The following EGFR variants were observed in gnomAD, a reference collection of about 807,000 sequenced individuals.
The protein encoded by EGFR is epidermal growth factor receptor.
A neutral mutation model predicts 143.0 loss-of-function variants in EGFR; 58 were observed. The ratio of observed to expected loss-of-function variants is 0.41; its 90% CI spans 0.33 to 0.50. EGFR has a LOEUF of 0.50. Ranked by LOEUF, EGFR falls within the 20% of genes least tolerant of loss-of-function variation. EGFR has a pLI of 0.39. For synonymous variants in EGFR, 613 were observed against 594.4 expected (o/e 1.03, Z -0.45); for missense variants, 1,307 against 1,579.0 (o/e 0.83, Z 2.92).
At chr7:55,152,759 A>C (rs1169781951) in intron 6 of EGFR, 95 bp downstream of exon 6, 2 of 1,028,360 alleles carry the variant, frequency 1.9e-6, no homozygotes, top group Non-Finnish European at 3.0e-6. Context: ...GGGAGCTGTC[A>C]ATTAGCATTT....
chr7:55,100,200 G>T (rs1426072682), intron 1 of EGFR, among the ~76,000 whole-genome samples: 4 of 152,174 alleles, frequency 2.6e-5, no homozygotes, highest in Admixed American at 6.5e-5. Flanking sequence ...GGCAGAGCTG[G>T]GAGCTCTGAA....
At chr7:55,176,708 G>A in intron 19 of EGFR, among the ~76,000 whole-genome samples, 1 of 150,912 alleles carries the variant, frequency 6.6e-6, no homozygotes, top group East Asian at 1.9e-4. Flanking sequence ...GCAAGACCCT[G>A]CTCAAAAAAA....
chr7:55,082,520 G>A (rs1285482366), intron 1 of EGFR, among the ~76,000 whole-genome samples: 2 of 152,196 alleles, frequency 1.3e-5, no homozygotes, highest in Non-Finnish European at 2.9e-5. Context: ...CCACCCAAGG[G>A]AGAAAGCAGG....
intron 1 of EGFR, among the ~76,000 whole-genome samples, chr7:55,032,322 C>T (rs1787300632): frequency 6.6e-6 from 1 of 152,216 alleles, no homozygotes; most frequent in Non-Finnish European, 1.5e-5. Flanking sequence ...TTCAGCCCAT[C>T]TCTGTCTGAG....
intron 1 of EGFR, among the ~76,000 whole-genome samples, chr7:55,057,116 C>A (rs866215769): frequency 1.3e-5 from 2 of 152,206 alleles, no homozygotes; most frequent in Non-Finnish European, 2.9e-5. Flanking sequence ...GTAGATTGAC[C>A]CTCCTGGCTC....
At chr7:55,115,932 C>T (rs1792812426) in intron 1 of EGFR, among the ~76,000 whole-genome samples, 1 of 152,214 alleles carries the variant, frequency 6.6e-6, no homozygotes, top group Non-Finnish European at 1.5e-5. Flanking sequence ...TGCATGCCCA[C>T]AGCCATGCTT....
At chr7:55,184,892 TA>T (rs1787063129) in intron 20 of EGFR, among the ~76,000 whole-genome samples, 1 of 152,226 alleles carries the variant, frequency 6.6e-6, no homozygotes, top group African/African-American at 2.4e-5. Flanking sequence ...ATCTGAGTAT[TA>T]AAAAATTTTC....
intron 1 of EGFR, among the ~76,000 whole-genome samples, chr7:55,117,107 CCAG>C (rs1792904603): frequency 1.3e-5 from 2 of 152,174 alleles, no homozygotes; most frequent in Admixed American, 1.3e-4. Flanking sequence ...TTATACACCA[CCAG>C]CAGTAGAAAA....
At chr7:55,202,315 C>T (rs1355694338) in intron 26 of EGFR, among the ~76,000 whole-genome samples, 1 of 152,260 alleles carries the variant, frequency 6.6e-6, no homozygotes, top group Non-Finnish European at 1.5e-5. Context: ...GAAAGTTCTG[C>T]TGTACAGCAC....
chr7:55,019,461 C>T, intron 1 of EGFR, 96 bp downstream of exon 1: 2 of 663,932 alleles, frequency 3.0e-6, no homozygotes, highest in Admixed American at 1.0e-4. Flanking sequence ...GGCTCGGCGC[C>T]CGCGCCCCCG....
chr7:55,176,521 A>G (rs1584229371), intron 19 of EGFR, among the ~76,000 whole-genome samples: 1 of 152,150 alleles, frequency 6.6e-6, no homozygotes, highest in East Asian at 1.9e-4. Flanking sequence ...GGAGTTTGAG[A>G]CCAGCCTGGG....
At chr7:55,069,361 G>A (rs140510599) in intron 1 of EGFR, among the ~76,000 whole-genome samples, 4 of 152,206 alleles carry the variant, frequency 2.6e-5, no homozygotes, top group East Asian at 1.9e-4. Flanking sequence ...TGCTGCACAC[G>A]GGATATGTGC....
chr7:55,202,721 G>C, intron 27 of EGFR, 96 bp downstream of exon 27: 1 of 1,122,842 alleles, frequency 8.9e-7, no homozygotes, highest in South Asian at 1.3e-5. Flanking sequence ...GCTCCCTCCA[G>C]CATCTCCAGA....
intron 22 of EGFR, among the ~76,000 whole-genome samples, chr7:55,198,283 G>A (rs1184117657): frequency 6.6e-6 from 1 of 152,130 alleles, no homozygotes; most frequent in Admixed American, 6.5e-5. Flanking sequence ...ATCTAAAAAT[G>A]TGCAGTTTAC....
chr7:55,118,604 C>G (rs1214821531), intron 1 of EGFR, among the ~76,000 whole-genome samples: 2 of 152,208 alleles, frequency 1.3e-5, no homozygotes, highest in Non-Finnish European at 2.9e-5. Flanking sequence ...CTGGCTGTGG[C>G]TAGCTGGATA....
intron 24 of EGFR, chr7:55,200,832 C>T (rs1787814693): frequency 6.3e-6 from 3 of 477,470 alleles, no homozygotes; most frequent in Non-Finnish European, 7.6e-6. Context: ...ACCAAGCTCA[C>T]AGGATTGTCT....
chr7:55,152,726 C>G, intron 6 of EGFR, 62 bp downstream of exon 6: 3 of 1,422,774 alleles, frequency 2.1e-6, no homozygotes, highest in Non-Finnish European at 3.0e-6. Flanking sequence ...CCCACCCACA[C>G]CAGGACAGAA....
At chr7:55,106,881 A>G (rs760289712) in intron 1 of EGFR, among the ~76,000 whole-genome samples, 1 of 152,218 alleles carries the variant, frequency 6.6e-6, no homozygotes, top group Non-Finnish European at 1.5e-5. Context: ...AAGTCAAGAC[A>G]TTACCTTATT....
chr7:55,185,812 C>A (rs1787110199), intron 20 of EGFR, among the ~76,000 whole-genome samples: 1 of 152,178 alleles, frequency 6.6e-6, no homozygotes, highest in Non-Finnish European at 1.5e-5. Context: ...GTATAAGCAC[C>A]AAACTACACT....
Sources: allele counts gnomAD v4.1 joint callset (sites outside exome capture counted in the v4.1 genomes callset), GRCh38; gene constraint gnomAD v4.1.1; transcripts MANE v1.5; gene names NCBI Gene and HGNC (gene_info 2026-07-23, HGNC 2026-07-21).